The following IQCE variants were observed in gnomAD, a reference collection of about 807,000 sequenced individuals.
IQCE encodes the protein IQ motif containing E.
IQCE carries 115 observed loss-of-function variants against 96.0 expected under a neutral mutation model. The observed-to-expected ratio is 1.20, with a 90% CI of 1.03 to 1.40. IQCE has a LOEUF of 1.40. IQCE is among the 40% of genes most tolerant of loss of function. The pLI, the probability that IQCE is intolerant of heterozygous loss-of-function variation, is 0.00. For synonymous variants in IQCE, 412 were observed against 371.2 expected (o/e 1.11, Z -1.26); for missense variants, 1,041 against 909.1 (o/e 1.15, Z -1.87).
chr7:2,607,773 T>C (rs768514365), intron 21 of IQCE, among the ~76,000 whole-genome samples: 1 of 152,222 alleles, frequency 6.6e-6, no homozygotes, highest in Non-Finnish European at 1.5e-5. Flanking sequence ...AAATCTATGC[T>C]GCTCTGCGTG....
chr7:2,608,564 TAC>T (rs1784978076), intron 21 of IQCE, among the ~76,000 whole-genome samples: 1 of 152,228 alleles, frequency 6.6e-6, no homozygotes, highest in South Asian at 2.1e-4. Context: ...GGGGAGAATG[TAC>T]AGACACGCAA....
Position 2,594,994 on chromosome 7 carries a change from T to C in IQCE, c.1440+18T>C, listed in dbSNP as rs771042413. ...CTCATAAGGTACAGTGACCATTCAG[T>C]TGAGTCTCCCGTCAGGTGCGGTGAG... On this transcript the variant is annotated intron_variant, in intron 16 of 21. Coordinates refer to ENST00000402050, the MANE Select transcript of IQCE (RefSeq NM_152558.5). The C allele has an allele frequency of 1.9e-6, 3 of 1,553,604 alleles. No individual in the cohort carries two copies. The highest frequency in any genetic ancestry group is 2.7e-5 in the African/African-American group (2 of 73,712).
At chr7:2,584,935 G>C (rs1385916312) in intron 11 of IQCE, among the ~76,000 whole-genome samples, 1 of 152,164 alleles carries the variant, frequency 6.6e-6, no homozygotes, top group African/African-American at 2.4e-5. Context: ...TAGTGTAGTG[G>C]TAATCACGTC....
At chr7:2,571,321 A>G (rs1781738725) in intron 3 of IQCE, 2 of 588,516 alleles carry the variant, frequency 3.4e-6, no homozygotes, top group Non-Finnish European at 5.9e-6. Flanking sequence ...GCCTGGCCTC[A>G]TTATGCTATT....
Position 2,572,082 on chromosome 7 carries a change from C to T in IQCE, c.260-110C>T, listed in dbSNP as rs139978147. On this transcript the variant is annotated intron_variant, in intron 4 of 21. Transcript: ENST00000402050. ...TTACCAGCACGACACTGACGGCTGGCGTCTATCAGTGATTCAGCTTTCTTC... is the reference window on the plus strand; with the variant it reads ...TTACCAGCACGACACTGACGGCTGGTGTCTATCAGTGATTCAGCTTTCTTC... 4.1e-3 allele frequency: 4,771 copies of T among 1,169,260 alleles called. 22 individuals are homozygous for T. Among genetic ancestry groups the T allele is most frequent in the Non-Finnish European group, 4.7e-3 (3,867 of 818,104 alleles). The allele number at this position is 1,169,260 out of a possible 1,614,324, so 72.4% of individuals were successfully genotyped here. A position where few individuals can be genotyped will look rare whatever the true frequency, so the allele number is the denominator to read the frequency against.
At chr7:2,573,071 C>G (rs1223016647) in intron 5 of IQCE, among the ~76,000 whole-genome samples, 1 of 152,188 alleles carries the variant, frequency 6.6e-6, no homozygotes, top group African/African-American at 2.4e-5. Flanking sequence ...ATGCTCTGTG[C>G]ATTTTTTGTG....
At chr7:2,592,090 CA>C (rs1408361863) in intron 14 of IQCE, among the ~76,000 whole-genome samples, 1 of 152,176 alleles carries the variant, frequency 6.6e-6, no homozygotes, top group East Asian at 1.9e-4. Flanking sequence ...CCCGGCCCTA[CA>C]GGTGATCTGT....
intron 18 of IQCE, among the ~76,000 whole-genome samples, chr7:2,603,551 G>T (rs1784584342): frequency 1.3e-5 from 2 of 152,292 alleles, no homozygotes; most frequent in African/African-American, 4.8e-5. Flanking sequence ...GTGTGGGGCT[G>T]TGGTGAGCGT....
chr7:2,578,677 C>T, intron 8 of IQCE, 151 bp downstream of exon 8: 2 of 776,006 alleles, frequency 2.6e-6, no homozygotes, highest in Non-Finnish European at 4.2e-6. Flanking sequence ...CCACTGACAC[C>T]TGGGGACACC....
rs767999846 is a variant in IQCE, at chr7:2,590,042, C to T, written c.1180C>T (p.Arg394Ter). 8.2e-5 allele frequency: 132 copies of T among 1,613,524 alleles called. No homozygotes were observed. The highest frequency in any genetic ancestry group is 2.7e-4 in the Admixed American group (16 of 59,992). ...CCGCAACAAGGACCACGAGCGTCTC[C>T]GAGGGGCTGTGAGAGACCTGAAGGA... ...GDRNKDHERL[R>*]GAVRDLKEER... Residue 394 changes from arginine (R) to a stop codon, truncating the protein, a stop_gained, in exon 14 of 22, where the codon CGA becomes TGA. Coordinates refer to ENST00000402050, the MANE Select transcript of IQCE (RefSeq NM_152558.5). LOFTEE classifies it high-confidence loss of function.
rs1783969501 is a variant in IQCE at position 2,595,619 on chromosome 7, C to A, written c.1440+643C>A. 2.0e-5 allele frequency among the ~76,000 whole-genome samples: 3 copies of A among 152,212 alleles called. No homozygotes were observed. The South Asian group carries it at 6.2e-4, about 32-fold the overall frequency. ...TGGCTCCGAGGTCCCTGGCTCTCTGCTGCCTCCCTGGAGGGTCGCAGCCAT... is the reference window on the plus strand; with the variant it reads ...TGGCTCCGAGGTCCCTGGCTCTCTGATGCCTCCCTGGAGGGTCGCAGCCAT... On this transcript the variant is annotated intron_variant, in intron 16 of 21. Transcript: ENST00000402050.
At chr7:2,592,403 A>T (rs201313421) in intron 14 of IQCE, among the ~76,000 whole-genome samples, 9 of 63,834 alleles carry the variant, frequency 1.4e-4, no homozygotes, top group Non-Finnish European at 3.6e-4. Context: ...TGGCGTGACA[A>T]GAGCCACCTC....
At chr7:2,607,028 C>T in intron 20 of IQCE, 96 bp from the exon 21 acceptor site, 1 of 1,152,964 alleles carries the variant, frequency 8.7e-7, no homozygotes, top group Non-Finnish European at 1.2e-6. Context: ...CATTGGAATA[C>T]TTGCCTCCAA....
chr7:2,598,198 C>A (rs1256072008), intron 16 of IQCE: 1 of 353,174 alleles, frequency 2.8e-6, no homozygotes, highest in Non-Finnish European at 5.1e-6. Context: ...CTCTCCCTCC[C>A]AGGAGGCACT....
chr7:2,597,422 A>C (rs999164694), intron 16 of IQCE, among the ~76,000 whole-genome samples: 21 of 152,222 alleles, frequency 1.4e-4, no homozygotes, highest in Non-Finnish European at 2.4e-4. Flanking sequence ...CATCGTTAAC[A>C]CACAGAAAAT....
chr7:2,592,553 G>A (rs914624203), intron 14 of IQCE, among the ~76,000 whole-genome samples: 11 of 152,204 alleles, frequency 7.2e-5, no homozygotes, highest in Non-Finnish European at 1.3e-4. Context: ...AGAAGTCTCC[G>A]TCGAAGGCCA....
chr7:2,587,857 C>T lies in IQCE; in HGVS notation c.1024C>T (p.Arg342Cys), dbSNP rs768583040. The change falls in exon 13 of 22, where the codon CGC becomes TGC. Residue 342 changes from arginine (R) to cysteine (C), a missense_variant. Physicochemically the swap from Arg to Cys is radical, Grantham distance 180. Transcript: ENST00000402050. ...GTGGAGCAAGCCCCGGCTGCTGAGG[C>T]GCATTGTGGAGCTGGAGAAGGTGAG... ...VEWSKPRLLR[R>C]IVELEKKLSV... The T allele has an allele frequency of 2.7e-5, 44 of 1,613,916 alleles. No individual in the cohort carries two copies. The South Asian group carries it at 3.0e-4, about 11-fold the overall frequency.
intron 3 of IQCE, among the ~76,000 whole-genome samples, chr7:2,570,105 G>C (rs1017110325): frequency 2.6e-5 from 4 of 152,010 alleles, no homozygotes; most frequent in Admixed American, 6.6e-5. Flanking sequence ...CCAAGGCCTG[G>C]TCAACCTGCT....
chr7:2,594,630 G>T lies in IQCE; in HGVS notation c.1350-256G>T, dbSNP rs188902614. ...TTCAGGAGAGGTGCTGGGCCCTGGGGGTCCTCAGCCACGGCCTCGTGGGGC... is the reference window on the plus strand; with the variant it reads ...TTCAGGAGAGGTGCTGGGCCCTGGGTGTCCTCAGCCACGGCCTCGTGGGGC... On this transcript the variant is annotated intron_variant, in intron 15 of 21. Coordinates refer to ENST00000402050, the MANE Select transcript of IQCE (RefSeq NM_152558.5). Among the ~76,000 whole-genome samples, 74 of 152,370 alleles carry T rather than the reference G, an allele frequency of 4.9e-4. 1 individual carries two copies. In the East Asian group the frequency reaches 0.013, roughly 27 times the overall value.
Sources: gnomAD v4.1 joint callset for allele counts (sites outside exome capture counted in the v4.1 genomes callset) on GRCh38, gnomAD v4.1.1 for gene constraint, MANE v1.5 for transcripts, NCBI Gene and HGNC (gene_info 2026-07-23, HGNC 2026-07-21) for gene names.